Variants in CUBN observed in about 807,000 individuals in gnomAD.
CUBN encodes the protein 460 kDa receptor.
CUBN carries 282 observed loss-of-function variants against 405.3 expected under a neutral mutation model. The observed-to-expected ratio is 0.70, with a 90% CI of 0.63 to 0.77. The LOEUF (loss-of-function observed/expected upper bound fraction) is 0.77, where lower values mean the gene tolerates loss of function less well. Ranked by LOEUF, CUBN falls within the 30% of genes least tolerant of loss-of-function variation. The pLI is 0.00. For missense variants in CUBN, 4,514 were observed against 4,475.2 expected (o/e 1.01, Z -0.25); for synonymous variants, 1,684 against 1,617.0 (o/e 1.04, Z -0.99).
chr10:17,062,138 C>T (rs1310932241), intron 22 of CUBN, among the ~76,000 whole-genome samples: 1 of 152,178 alleles, frequency 6.6e-6, no homozygotes, highest in African/African-American at 2.4e-5. Flanking sequence ...CTGATACTTT[C>T]TCTCCTATTC....
At chr10:17,014,733 A>T (rs1834281390) in intron 28 of CUBN, among the ~76,000 whole-genome samples, 1 of 152,184 alleles carries the variant, frequency 6.6e-6, no homozygotes, top group East Asian at 1.9e-4. Flanking sequence ...TCATCCACAT[A>T]TTGAAGGACC....
intron 19 of CUBN, 142 bp from the exon 20 acceptor site, chr10:17,068,912 C>CA (rs1201147480): frequency 5.7e-6 from 4 of 700,388 alleles, no homozygotes; most frequent in Non-Finnish European, 9.8e-6. Context: ...TAGTCACCCC[C>CA]CAAAAAACAC....
At chr10:17,123,397 T>A in intron 5 of CUBN, 191 bp downstream of exon 5, 1 of 631,578 alleles carries the variant, frequency 1.6e-6, no homozygotes, top group Non-Finnish European at 2.9e-6. Context: ...TCAATGGCTT[T>A]AGTATTTGGT....
chr10:16,842,805 G>C (rs7910512), intron 60 of CUBN, among the ~76,000 whole-genome samples: 1,672 of 152,298 alleles, frequency 0.011, 21 homozygotes, highest in African/African-American at 0.038. Flanking sequence ...GCTCTGGCCT[G>C]TGCCTCCTTC....
chr10:17,077,992 T>A (rs1835887014), intron 17 of CUBN, among the ~76,000 whole-genome samples: 1 of 152,134 alleles, frequency 6.6e-6, no homozygotes, highest in African/African-American at 2.4e-5. Flanking sequence ...AACACATGAA[T>A]AAGTTTTACC....
intron 28 of CUBN, among the ~76,000 whole-genome samples, chr10:17,012,001 G>A (rs1056778208): frequency 6.6e-6 from 1 of 152,108 alleles, no homozygotes; most frequent in Non-Finnish European, 1.5e-5. Context: ...GCTACTTCCC[G>A]CTGGATAGGG....
intron 27 of CUBN, among the ~76,000 whole-genome samples, chr10:17,021,357 T>C (rs970948140): frequency 6.6e-6 from 1 of 152,214 alleles, no homozygotes; most frequent in African/African-American, 2.4e-5. Flanking sequence ...TTGAGAAAGA[T>C]AATGGCAATC....
chr10:16,863,002 G>A (rs1056823101), intron 59 of CUBN, among the ~76,000 whole-genome samples: 12 of 152,216 alleles, frequency 7.9e-5, no homozygotes, highest in Non-Finnish European at 1.5e-4. Flanking sequence ...CTAGTCATTG[G>A]TGGGGGCACA....
At chr10:17,123,503 T>C (rs1038048696) in intron 5 of CUBN, 85 bp downstream of exon 5, 16 of 1,049,618 alleles carry the variant, frequency 1.5e-5, no homozygotes, top group Non-Finnish European at 2.2e-5. Context: ...AAACTTTAGA[T>C]GGAGAATTAA....
rs141937843 is a variant in CUBN, at chr10:16,831,397, G to C, written c.10383C>G (p.Ser3461Arg). 6.2e-7 allele frequency: 1 copy of C among 1,613,772 alleles called. No homozygotes were observed. The highest frequency in any genetic ancestry group is 1.3e-5 in the African/African-American group (1 of 74,914). Residue 3461 changes from serine (S) to arginine (R), a missense_variant, in exon 65 of 67, where the codon AGC becomes AGG. By Grantham distance (110) the Ser-to-Arg change is moderately radical. Transcript: ENST00000377833. ...AGTACTTGCCCAGTAATGGTGAATT[G>C]CTGTTACTTCCATTTCTCACCTTTA... Reference protein sequence around the residue: ...DFLEVRNGSNSNSPLLGKYCG... With the variant: ...DFLEVRNGSNRNSPLLGKYCG...
intron 28 of CUBN, among the ~76,000 whole-genome samples, chr10:17,015,736 C>T (rs1293021190): frequency 1.3e-5 from 2 of 152,186 alleles, no homozygotes; most frequent in African/African-American, 2.4e-5. Flanking sequence ...AGGGGCAGTG[C>T]ACCTTCCAGT....
intron 22 of CUBN, among the ~76,000 whole-genome samples, chr10:17,057,949 T>A (rs1835429088): frequency 6.6e-6 from 1 of 151,846 alleles, no homozygotes; most frequent in Admixed American, 6.6e-5. Context: ...GATGAAAACC[T>A]GTCTCTACTA....
At chr10:17,008,238 G>T (rs919762599) in intron 28 of CUBN, among the ~76,000 whole-genome samples, 7 of 80,846 alleles carry the variant, frequency 8.7e-5, no homozygotes, top group Non-Finnish European at 1.8e-4. Context: ...GCCCGTGTGT[G>T]GTGTGTGTGT....
At chr10:17,096,192 A>T (rs1836372055) in intron 14 of CUBN, among the ~76,000 whole-genome samples, 1 of 152,142 alleles carries the variant, frequency 6.6e-6, no homozygotes, top group African/African-American at 2.4e-5. Context: ...TCTGGAATGA[A>T]TAGCTTCTAG....
intron 22 of CUBN, among the ~76,000 whole-genome samples, chr10:17,050,052 G>A (rs948757667): frequency 4.6e-5 from 7 of 152,066 alleles, no homozygotes; most frequent in African/African-American, 1.7e-4. Context: ...ATGCATCTAA[G>A]TTCCTCCCAC....
chr10:16,951,328 C>T (rs1842916598), intron 33 of CUBN, among the ~76,000 whole-genome samples: 1 of 152,220 alleles, frequency 6.6e-6, no homozygotes, highest in African/African-American at 2.4e-5. Flanking sequence ...TTTGTTAACT[C>T]CTGACATCCC....
chr10:16,936,828 T>C (rs907767962), intron 39 of CUBN, among the ~76,000 whole-genome samples: 1 of 152,198 alleles, frequency 6.6e-6, no homozygotes. Context: ...GCAATTCTCA[T>C]GTCTCAGCCT....
rs554874914 is a variant in CUBN at position 16,850,246 on chromosome 10, T to C, written c.9663+989A>G. On this transcript the variant is annotated intron_variant, in intron 60 of 66. Coordinates refer to ENST00000377833, the MANE Select transcript of CUBN (RefSeq NM_001081.4). ...ATGCTGACTATCCTGAACTATGCAT[T>C]CTTAATTTGCATGTGTCATCCCATA... 4.6e-5 allele frequency among the ~76,000 whole-genome samples: 7 copies of C among 152,314 alleles called. No individual in the cohort carries two copies. In the South Asian group the frequency reaches 1.4e-3, roughly 32 times the overall value.
chr10:17,004,781 T>C (rs944059366), intron 28 of CUBN, among the ~76,000 whole-genome samples: 1 of 151,874 alleles, frequency 6.6e-6, no homozygotes, highest in Admixed American at 6.6e-5. Context: ...GCTATTCTCC[T>C]GCCTCAGCCT....
Sources: gnomAD v4.1 joint callset for allele counts (sites outside exome capture counted in the v4.1 genomes callset) on GRCh38, gnomAD v4.1.1 for gene constraint, MANE v1.5 for transcripts, NCBI Gene and HGNC (gene_info 2026-07-23, HGNC 2026-07-21) for gene names.